Variants in MIA2 observed in about 807,000 individuals in gnomAD.
MIA2 encodes the protein MIA SH3 domain ER export factor 2, also known as melanoma inhibitory activity protein 2.
In MIA2, 127 loss-of-function variants were observed where a neutral mutation model predicts 167.8. The ratio of observed to expected loss-of-function variants is 0.76; its 90% CI spans 0.66 to 0.88. The LOEUF (loss-of-function observed/expected upper bound fraction) is 0.88, where lower values mean the gene tolerates loss of function less well. Among genes scored for constraint, MIA2 ranks in the 40% least tolerant of loss-of-function variants. The pLI, the probability that MIA2 is intolerant of heterozygous loss-of-function variation, is 0.00. For missense variants in MIA2, 1,690 were observed against 1,624.7 expected, an observed-to-expected ratio of 1.04 and a Z score of -0.69; for synonymous variants, 552 against 541.9, an observed-to-expected ratio of 1.02 and a Z score of -0.26.
intron 9 of MIA2, 73 bp from the exon 10 acceptor site, chr14:39,290,946 C>T: frequency 7.7e-7 from 1 of 1,302,256 alleles, no homozygotes; most frequent in Non-Finnish European, 1.1e-6. Context: ...CTGTCTGCTT[C>T]TTAGGCATCT....
intron 22 of MIA2, among the ~76,000 whole-genome samples, chr14:39,318,667 C>G (rs1249568238): frequency 1.3e-5 from 2 of 152,004 alleles, no homozygotes; most frequent in African/African-American, 4.8e-5. Flanking sequence ...AAATAAGATT[C>G]TTTTAAAATG....
At chr14:39,372,379 C>G (rs1226353747) in intron 23 of MIA2, among the ~76,000 whole-genome samples, 1 of 151,992 alleles carries the variant, frequency 6.6e-6, no homozygotes, top group Non-Finnish European at 1.5e-5. Context: ...GTTCTTACAT[C>G]AAAGATCTAT....
intron 23 of MIA2, among the ~76,000 whole-genome samples, chr14:39,377,792 CTT>C (rs1021792596): frequency 1.8e-4 from 27 of 150,640 alleles, no homozygotes; most frequent in Admixed American, 1.7e-3. Context: ...TTGCTGGAAA[CTT>C]TTTTTTATAA....
chr14:39,299,309 T>TC (rs1165377320), intron 13 of MIA2, among the ~76,000 whole-genome samples: 4 of 130,050 alleles, frequency 3.1e-5, no homozygotes, highest in Non-Finnish European at 4.9e-5. Context: ...GTATTTCTTT[T>TC]TTTTTTTTTT....
intron 25 of MIA2, among the ~76,000 whole-genome samples, chr14:39,329,641 C>T (rs529295771): frequency 7.4e-6 from 1 of 134,368 alleles, no homozygotes; most frequent in South Asian, 2.5e-4. Flanking sequence ...CCATCACTAC[C>T]TAGTTTATTG....
intron 24 of MIA2, among the ~76,000 whole-genome samples, chr14:39,326,600 T>A (rs1202458119): frequency 1.3e-5 from 2 of 149,366 alleles, no homozygotes; most frequent in African/African-American, 4.9e-5. Flanking sequence ...TGCTTTTTAT[T>A]TAATCATTTA....
rs569382798 is a variant in MIA2, at chr14:39,287,085, GT to G, written c.2131-3928del. On this transcript the variant is annotated intron_variant, in intron 9 of 28. Coordinates refer to ENST00000640607, the MANE Select transcript of MIA2 (RefSeq NM_001329214.4). ...GTACTTCCAGTACTATTTTGTTTTT[GT>G]TTTTTGAGACAAGGTCTCACTCTGT... Among the ~76,000 whole-genome samples, 24 of 145,738 alleles carry G rather than the reference GT, an allele frequency of 1.6e-4. No individual in the cohort carries two copies. The East Asian group carries it at 3.4e-3, about 21-fold the overall frequency.
chr14:39,257,098 G>A (rs2054850189), intron 6 of MIA2, among the ~76,000 whole-genome samples: 1 of 152,110 alleles, frequency 6.6e-6, no homozygotes, highest in South Asian at 2.1e-4. Flanking sequence ...TGTCTATTAG[G>A]TCGGCTTGGT....
chr14:39,360,109 A>G (rs2074646549), intron 23 of MIA2, among the ~76,000 whole-genome samples: 2 of 151,320 alleles, frequency 1.3e-5, no homozygotes, highest in Non-Finnish European at 2.9e-5. Flanking sequence ...GGAGACCAGC[A>G]TGGCCAATGT....
At chr14:39,350,929 T>A (rs2074322781), downstream of MIA2, 1 of 151,308 alleles carries the variant, frequency 6.6e-6, no homozygotes. Flanking sequence ...ATCTTCTTAT[T>A]CACTGAGTTT....
At chr14:39,324,295 C>G (rs1225645977) in intron 24 of MIA2, among the ~76,000 whole-genome samples, 1 of 152,146 alleles carries the variant, frequency 6.6e-6, no homozygotes, top group Non-Finnish European at 1.5e-5. Flanking sequence ...TGACGACTTG[C>G]ACATTTTCTG....
At chr14:39,336,207 T>C (rs1029635537) in intron 25 of MIA2, among the ~76,000 whole-genome samples, 2 of 152,240 alleles carry the variant, frequency 1.3e-5, no homozygotes, top group Admixed American at 6.5e-5. Flanking sequence ...CCTAATAATT[T>C]ACATTCCCTC....
At chr14:39,361,227 T>G (rs1012572234) in intron 23 of MIA2, among the ~76,000 whole-genome samples, 1 of 152,334 alleles carries the variant, frequency 6.6e-6, no homozygotes, top group South Asian at 2.1e-4. Flanking sequence ...ATTTATAGAT[T>G]GCTTTAGGTA....
chr14:39,327,918 C>A (rs548813975), intron 25 of MIA2, among the ~76,000 whole-genome samples: 2 of 152,082 alleles, frequency 1.3e-5, no homozygotes, highest in East Asian at 3.8e-4. Flanking sequence ...TGAACAGTGC[C>A]GCAATAAATA....
At chr14:39,263,663 A>C (rs1216359986) in intron 6 of MIA2, among the ~76,000 whole-genome samples, 8 of 114,824 alleles carry the variant, frequency 7.0e-5, no homozygotes, top group Admixed American at 2.3e-4. Flanking sequence ...ACAGAGTTTC[A>C]CTCAGTCACC....
At chr14:39,288,485 T>G (rs1419497426) in intron 9 of MIA2, among the ~76,000 whole-genome samples, 4 of 85,228 alleles carry the variant, frequency 4.7e-5, no homozygotes, top group African/African-American at 1.7e-4. Context: ...ATTTTTTTTT[T>G]TTTTTTTGAG....
In MIA2 at chr14:39,335,847, G is replaced by C. The variant is rs77122145; in HGVS notation, c.3655+8825G>C. Among the ~76,000 whole-genome samples the C allele has an allele frequency of 5.2e-3, 794 of 152,232 alleles. 11 individuals are homozygous for C. The highest frequency in any genetic ancestry group is 0.018 in the African/African-American group (747 of 41,532). On this transcript the variant is annotated intron_variant, in intron 25 of 28. Coordinates refer to ENST00000640607, the MANE Select transcript of MIA2 (RefSeq NM_001329214.4). ...CCCAGTGTTTAGCTACCACTTACAA[G>C]TAAGAATGTGTTAGTTTTATATTTC...
At chr14:39,315,580 T>G in intron 20 of MIA2, 103 bp from the exon 21 acceptor site, 1 of 818,342 alleles carries the variant, frequency 1.2e-6, no homozygotes, top group Admixed American at 2.6e-5. Context: ...CAGAGATGCT[T>G]GGGATAGTTT....
At chr14:39,325,246 A>T (rs8022239) in intron 24 of MIA2, among the ~76,000 whole-genome samples, 141,007 of 151,730 alleles carry the variant, frequency 0.93, 65,608 homozygotes, top group East Asian at 0.95. Flanking sequence ...AAATGTTTTT[A>T]AAGCTGTTCC....
Sources: gnomAD v4.1 joint callset for allele counts (sites outside exome capture counted in the v4.1 genomes callset) on GRCh38, gnomAD v4.1.1 for gene constraint, MANE v1.5 for transcripts, NCBI Gene and HGNC (gene_info 2026-07-23, HGNC 2026-07-21) for gene names.